The following TMEM117 variants were observed in gnomAD, a reference collection of about 807,000 sequenced individuals.
The protein encoded by TMEM117 is transmembrane protein 117.
Under a neutral mutation model 52.4 loss-of-function variants are expected in TMEM117, and 27 were observed. The observed-to-expected ratio is 0.51, with a 90% CI of 0.38 to 0.71. TMEM117 has a LOEUF of 0.71. TMEM117 is among the 30% of genes least tolerant of loss of function. The pLI, the probability that TMEM117 is intolerant of heterozygous loss-of-function variation, is 0.00. For synonymous variants in TMEM117, 215 were observed against 206.3 expected (o/e 1.04, Z -0.36); for missense variants, 556 against 630.5 (o/e 0.88, Z 1.26).
intron 6 of TMEM117, among the ~76,000 whole-genome samples, chr12:44,362,057 C>G (rs1474488761): frequency 6.6e-6 from 1 of 152,158 alleles, no homozygotes; most frequent in Non-Finnish European, 1.5e-5. Flanking sequence ...CATTCTCATC[C>G]TCATCCCCCA....
At chr12:43,873,442 A>G (rs1241203144) in intron 2 of TMEM117, among the ~76,000 whole-genome samples, 1 of 152,184 alleles carries the variant, frequency 6.6e-6, no homozygotes, top group African/African-American at 2.4e-5. Context: ...AATTCATCCA[A>G]CATTCAGAGG....
chr12:43,972,104 G>A (rs1945597532), intron 3 of TMEM117, among the ~76,000 whole-genome samples: 1 of 152,204 alleles, frequency 6.6e-6, no homozygotes, highest in Non-Finnish European at 1.5e-5. Flanking sequence ...AGGCACAGCT[G>A]AAGGCAAAGA....
At chr12:44,118,307 A>G (rs902795583) in intron 3 of TMEM117, among the ~76,000 whole-genome samples, 4 of 152,224 alleles carry the variant, frequency 2.6e-5, no homozygotes, top group African/African-American at 9.6e-5. Context: ...AATGACATGT[A>G]TTTAACCAAA....
At chr12:43,865,076 C>T (rs1434471096) in intron 2 of TMEM117, among the ~76,000 whole-genome samples, 2 of 152,124 alleles carry the variant, frequency 1.3e-5, no homozygotes, top group South Asian at 2.1e-4. Flanking sequence ...CGAACACATC[C>T]GAACATCAGA....
intron 3 of TMEM117, among the ~76,000 whole-genome samples, chr12:43,945,045 A>T (rs974553057): frequency 6.6e-6 from 1 of 151,992 alleles, no homozygotes; most frequent in African/African-American, 2.4e-5. Flanking sequence ...CAGGAAGCGG[A>T]GGTTGCAGTG....
chr12:43,942,111 A>G (rs939915560), intron 2 of TMEM117, among the ~76,000 whole-genome samples: 9 of 152,226 alleles, frequency 5.9e-5, no homozygotes, highest in Admixed American at 1.3e-4. Flanking sequence ...AAGGACTTGC[A>G]GCAAAGGGGC....
At chr12:44,359,008 A>C (rs1248487595) in intron 6 of TMEM117, among the ~76,000 whole-genome samples, 2 of 152,194 alleles carry the variant, frequency 1.3e-5, no homozygotes, top group African/African-American at 4.8e-5. Context: ...ACATTATCCC[A>C]TTAAATCTCA....
chr12:44,093,957 C>A (rs1366582716), intron 3 of TMEM117, among the ~76,000 whole-genome samples: 2 of 151,854 alleles, frequency 1.3e-5, no homozygotes, highest in Non-Finnish European at 2.9e-5. Flanking sequence ...AATTTACTCA[C>A]AGAGTATATT....
chr12:44,130,311 A>G (rs960013475), intron 3 of TMEM117, among the ~76,000 whole-genome samples: 1 of 152,206 alleles, frequency 6.6e-6, no homozygotes, highest in Non-Finnish European at 1.5e-5. Flanking sequence ...ATGTCAATCA[A>G]AGGAGTATTG....
At chr12:43,906,542 G>A (rs763509912) in intron 2 of TMEM117, among the ~76,000 whole-genome samples, 7 of 152,242 alleles carry the variant, frequency 4.6e-5, no homozygotes, top group South Asian at 2.1e-4. Flanking sequence ...CAGCGTGAGC[G>A]ATGTAGAAGA....
chr12:44,211,110 C>T (rs770324204), intron 4 of TMEM117, among the ~76,000 whole-genome samples, 180 bp from the exon 5 acceptor site: 3 of 152,034 alleles, frequency 2.0e-5, no homozygotes, highest in Admixed American at 6.6e-5. Flanking sequence ...TATGTACAGT[C>T]GAAGAAACTA....
In TMEM117 at chr12:44,386,535, A is replaced by G. The variant is rs751968251; in HGVS notation, c.899-1491A>G. The stretch of plus-strand genomic sequence containing the variant: ...TATAGTTTAGGTAAGCTCTCTTCAT[A>G]GAGGAGCAAGTTGCACCTTCTCATG... On this transcript the variant is annotated intron_variant, in intron 7 of 7. Coordinates refer to ENST00000266534, the MANE Select transcript of TMEM117 (RefSeq NM_032256.3). Among the ~76,000 whole-genome samples the G allele has an allele frequency of 4.6e-5, 7 of 152,272 alleles. No individual in the cohort carries two copies. The Middle Eastern group carries it at 0.017, about 370-fold the overall frequency.
At chr12:44,362,313 G>A (rs1378324335) in intron 6 of TMEM117, among the ~76,000 whole-genome samples, 2 of 152,050 alleles carry the variant, frequency 1.3e-5, no homozygotes, top group Non-Finnish European at 2.9e-5. Flanking sequence ...ACCTCATAGA[G>A]GTCTTTTCTT....
At chr12:43,819,732 C>T in the TMEM117 span, among the ~76,000 whole-genome samples, 1 of 151,656 alleles carries the variant, frequency 6.6e-6, no homozygotes, top group Admixed American at 6.6e-5. Flanking sequence ...GCCGAGATTG[C>T]GCCACTGCAC....
chr12:44,302,555 T>C (rs899275813), intron 6 of TMEM117, among the ~76,000 whole-genome samples: 10 of 152,258 alleles, frequency 6.6e-5, no homozygotes, highest in African/African-American at 2.4e-4. Context: ...GTAGCACTTT[T>C]TACCTGAACT....
chr12:44,057,455 G>A (rs537146661), intron 3 of TMEM117, among the ~76,000 whole-genome samples: 1 of 152,098 alleles, frequency 6.6e-6, no homozygotes, highest in Non-Finnish European at 1.5e-5. Context: ...CCCAAAAACC[G>A]CAAGCACATA....
In TMEM117 at chr12:43,990,563, A is replaced by T. The variant is rs530835371; in HGVS notation, c.410+46221A>T. ...TGATATCATGGTCCATTCCTCTGAA[A>T]TATATACATTTAATAGGATTTGTGT... On this transcript the variant is annotated intron_variant, in intron 3 of 7. Coordinates refer to ENST00000266534, the MANE Select transcript of TMEM117 (RefSeq NM_032256.3). 2.4e-3 allele frequency among the ~76,000 whole-genome samples: 358 copies of T among 152,296 alleles called. 3 individuals are homozygous for T. The highest frequency in any genetic ancestry group is 8.2e-3 in the African/African-American group (339 of 41,564).
intron 3 of TMEM117, among the ~76,000 whole-genome samples, chr12:44,086,051 C>G (rs866320193): frequency 6.6e-6 from 1 of 152,064 alleles, no homozygotes; most frequent in Admixed American, 6.6e-5. Context: ...TATAAGTCAT[C>G]TAAGGTCAAT....
chr12:43,835,921 G>A (rs1359594759), upstream of TMEM117: 1 of 151,912 alleles, frequency 6.6e-6, no homozygotes, highest in Non-Finnish European at 1.5e-5. Flanking sequence ...GGTCACCTGC[G>A]CGGCGCCGGT....
Sources: gnomAD v4.1 joint callset for allele counts (sites outside exome capture counted in the v4.1 genomes callset) on GRCh38, gnomAD v4.1.1 for gene constraint, MANE v1.5 for transcripts, NCBI Gene and HGNC (gene_info 2026-07-23, HGNC 2026-07-21) for gene names.